Variants in RGS8 observed in about 807,000 individuals in gnomAD.
RGS8 encodes the protein regulator of G protein signaling 8.
A neutral mutation model predicts 21.7 loss-of-function variants in RGS8; 8 were observed. That is an observed-to-expected ratio of 0.37 (90% CI 0.22 to 0.66). RGS8 has a LOEUF of 0.66. RGS8 is among the 30% of genes least tolerant of loss of function. The pLI is 0.59. For missense variants in RGS8, 157 were observed against 217.9 expected, an observed-to-expected ratio of 0.72 and a Z score of 1.76; for synonymous variants, 80 against 83.6, an observed-to-expected ratio of 0.96 and a Z score of 0.24.
chr1:182,718,876 T>G, the RGS8 span, among the ~76,000 whole-genome samples: 2 of 152,216 alleles, frequency 1.3e-5, no homozygotes, highest in East Asian at 3.8e-4. Flanking sequence ...ATTGACAAGT[T>G]AGACAAACAT....
intron 1 of RGS8, among the ~76,000 whole-genome samples, chr1:182,679,300 C>T (rs1049495792): frequency 6.6e-6 from 1 of 152,124 alleles, no homozygotes; most frequent in Non-Finnish European, 1.5e-5. Context: ...CCCCGAAACA[C>T]AGCCTCCATA....
chr1:182,709,650 G>C, the RGS8 span, among the ~76,000 whole-genome samples: 1 of 152,150 alleles, frequency 6.6e-6, no homozygotes, highest in Admixed American at 6.5e-5. Context: ...CCCCTGCCTA[G>C]GTGGCAAGTA....
At chr1:182,667,695 C>T (rs912506152) in intron 3 of RGS8, among the ~76,000 whole-genome samples, 1 of 152,144 alleles carries the variant, frequency 6.6e-6, no homozygotes, top group African/African-American at 2.4e-5. Flanking sequence ...GTTTACATTT[C>T]TCATATGTTT....
At chr1:182,657,403 T>TGGTTTATTTCTGAAA (rs1327615323) in intron 5 of RGS8, among the ~76,000 whole-genome samples, 1 of 152,166 alleles carries the variant, frequency 6.6e-6, no homozygotes, top group African/African-American at 2.4e-5. Context: ...TACAGGATGC[T>TGGTTTATTTCTGAAA]GGTTTATTTC....
chr1:182,659,514 C>T (rs1007534758), intron 5 of RGS8, among the ~76,000 whole-genome samples: 6 of 152,180 alleles, frequency 3.9e-5, no homozygotes, highest in Non-Finnish European at 8.8e-5. Flanking sequence ...GCCTGACCAA[C>T]ATGGTGAAAC....
chr1:182,707,583 T>A, the RGS8 span, among the ~76,000 whole-genome samples: 1 of 152,222 alleles, frequency 6.6e-6, no homozygotes, highest in Non-Finnish European at 1.5e-5. Context: ...ATGATCTTTA[T>A]GGTTTGGCCA....
the RGS8 span, among the ~76,000 whole-genome samples, chr1:182,738,365 A>G: frequency 6.6e-6 from 1 of 152,218 alleles, no homozygotes; most frequent in Non-Finnish European, 1.5e-5. Context: ...ACATATGTGA[A>G]GCATTTAGTT....
chr1:182,658,650 T>G (rs763447866), intron 5 of RGS8: 6 of 152,252 alleles, frequency 3.9e-5, no homozygotes, highest in Non-Finnish European at 8.8e-5. Context: ...GGATCACAGC[T>G]CTTCTTTTGT....
the RGS8 span, among the ~76,000 whole-genome samples, chr1:182,740,552 T>G: frequency 7.2e-3 from 951 of 131,904 alleles, 3 homozygotes; most frequent in East Asian, 0.024. Flanking sequence ...TTGTTTGTTT[T>G]TTTTTTTTTT....
chr1:182,669,454 G>A (rs555828519), intron 3 of RGS8, among the ~76,000 whole-genome samples, 170 bp downstream of exon 4: 1 of 152,218 alleles, frequency 6.6e-6, no homozygotes, highest in Non-Finnish European at 1.5e-5. Flanking sequence ...TTTGCAAGAG[G>A]CATACAGACA....
chr1:182,672,840 C>T (rs1210862112), upstream of RGS8: 1 of 1,614,038 alleles, frequency 6.2e-7, no homozygotes, highest in African/African-American at 1.3e-5. Flanking sequence ...TTCACACTGC[C>T]TGCTTCAGTT....
chr1:182,707,702 G>GTTTGT, the RGS8 span, among the ~76,000 whole-genome samples: 19 of 152,038 alleles, frequency 1.2e-4, 1 homozygote, highest in South Asian at 6.2e-4. Context: ...ATTTTTGTTT[G>GTTTGT]TTTGTTTTGT....
chr1:182,699,700 C>T, the RGS8 span, among the ~76,000 whole-genome samples: 1 of 152,104 alleles, frequency 6.6e-6, no homozygotes, highest in Non-Finnish European at 1.5e-5. Flanking sequence ...GGGATTGCAA[C>T]GGGATTACCG....
the RGS8 span, among the ~76,000 whole-genome samples, chr1:182,741,675 G>T: frequency 9.2e-6 from 1 of 108,986 alleles, no homozygotes; most frequent in Non-Finnish European, 2.0e-5. Context: ...GGGCAGAGGG[G>T]CTCCTCACTT....
rs188585536 is a variant in RGS8 at position 182,647,061 on chromosome 1, C to A, written c.361-144G>T. The A allele has an allele frequency of 2.0e-5, 14 of 705,478 alleles. No individual in the cohort carries two copies. The Admixed American group carries it at 4.2e-4, about 21-fold the overall frequency. 43.7% of individuals were successfully genotyped at this position (705,478 alleles called of 1,614,324 possible). ...CTTTTCAAATTGCTTCCATGGAGGT[C>A]ATCCCTTTTGATCACAGCAAGAATC... On this transcript the variant is annotated intron_variant, in intron 6 of 6. Transcript: ENST00000483095.
At chr1:182,737,813 G>T in the RGS8 span, among the ~76,000 whole-genome samples, 1 of 152,076 alleles carries the variant, frequency 6.6e-6, no homozygotes. Context: ...GCAGCTACCA[G>T]CCAACAACTA....
chr1:182,752,084 T>G, the RGS8 span, among the ~76,000 whole-genome samples: 1 of 152,294 alleles, frequency 6.6e-6, no homozygotes, highest in South Asian at 2.1e-4. Context: ...ACTCCTTTCT[T>G]GGCCATGAAC....
chr1:182,750,514 C>A, the RGS8 span, among the ~76,000 whole-genome samples: 1 of 152,088 alleles, frequency 6.6e-6, no homozygotes, highest in Non-Finnish European at 1.5e-5. Context: ...TATTTTTATA[C>A]AATTCTGTCA....
chr1:182,651,781 G>T (rs1663031089), intron 5 of RGS8, among the ~76,000 whole-genome samples: 1 of 152,228 alleles, frequency 6.6e-6, no homozygotes, highest in Non-Finnish European at 1.5e-5. Context: ...GACCCCTGAG[G>T]CAGAGGCTAC....
Sources: allele counts gnomAD v4.1 joint callset (sites outside exome capture counted in the v4.1 genomes callset), GRCh38; gene constraint gnomAD v4.1.1; transcripts MANE v1.5; gene names NCBI Gene and HGNC (gene_info 2026-07-23, HGNC 2026-07-21).